Variants in CNTN4 observed in about 807,000 individuals in gnomAD.
The protein encoded by CNTN4 is contactin-4.
In CNTN4, 77 loss-of-function variants were observed where a neutral mutation model predicts 122.5. The ratio of observed to expected loss-of-function variants is 0.63; its 90% confidence interval spans 0.52 to 0.76. CNTN4 has a LOEUF of 0.76. CNTN4 is among the 30% of genes least tolerant of loss of function. CNTN4 has a pLI of 0.00. For synonymous variants in CNTN4, 512 were observed against 447.0 expected (o/e 1.15, Z -1.83); for missense variants, 1,256 against 1,259.1 (o/e 1.00, Z 0.04).
chr3:2,491,451 C>G (rs1480283190), intron 3 of CNTN4, among the ~76,000 whole-genome samples: 2 of 152,120 alleles, frequency 1.3e-5, no homozygotes, highest in Non-Finnish European at 1.5e-5. Flanking sequence ...GCTATTGAAT[C>G]TAAATTTTGG....
At chr3:2,470,111 G>T (rs1455632831) in intron 3 of CNTN4, among the ~76,000 whole-genome samples, 1 of 151,948 alleles carries the variant, frequency 6.6e-6, no homozygotes, top group East Asian at 1.9e-4. Context: ...TCTCGCCCAG[G>T]CTGGAGTGCA....
chr3:2,169,575 T>TCTTGTA (rs2036362830), intron 2 of CNTN4, among the ~76,000 whole-genome samples: 2 of 151,676 alleles, frequency 1.3e-5, no homozygotes, highest in African/African-American at 2.4e-5. Context: ...CCGGCTGATT[T>TCTTGTA]TTTTGTAGAG....
At chr3:2,520,650 GAT>G (rs1299003075) in intron 3 of CNTN4, among the ~76,000 whole-genome samples, 1 of 151,950 alleles carries the variant, frequency 6.6e-6, no homozygotes, top group African/African-American at 2.4e-5. Flanking sequence ...AAATGAGAGG[GAT>G]AGAAAAATGG....
At chr3:2,233,045 C>T (rs1289920898) in intron 2 of CNTN4, among the ~76,000 whole-genome samples, 2 of 152,072 alleles carry the variant, frequency 1.3e-5, no homozygotes, top group African/African-American at 4.8e-5. Flanking sequence ...GTTAATGGGG[C>T]GCCTGTTAAG....
chr3:3,047,116 G>C (rs1473026772), intron 23 of CNTN4, among the ~76,000 whole-genome samples: 1 of 151,452 alleles, frequency 6.6e-6, no homozygotes, highest in East Asian at 1.9e-4. Flanking sequence ...GGAGCACCCA[G>C]ATTCATAAAG....
intron 2 of CNTN4, among the ~76,000 whole-genome samples, chr3:2,199,795 T>C (rs2038012919): frequency 6.6e-6 from 1 of 152,060 alleles, no homozygotes; most frequent in Non-Finnish European, 1.5e-5. Flanking sequence ...AATGTGTAAG[T>C]TGTTACTTTA....
At chr3:2,301,724 A>G (rs1276995053) in intron 2 of CNTN4, among the ~76,000 whole-genome samples, 1 of 152,246 alleles carries the variant, frequency 6.6e-6, no homozygotes, top group African/African-American at 2.4e-5. Context: ...TAACTGACTC[A>G]GATGCCCACT....
intron 14 of CNTN4, among the ~76,000 whole-genome samples, chr3:3,012,325 A>C (rs1176631653): frequency 2.6e-5 from 4 of 152,116 alleles, no homozygotes; most frequent in Admixed American, 2.6e-4. Flanking sequence ...GGATTTTGGC[A>C]TTTACTCTGA....
At chr3:2,705,282 G>A (rs899871633) in intron 4 of CNTN4, among the ~76,000 whole-genome samples, 2 of 147,564 alleles carry the variant, frequency 1.4e-5, no homozygotes, top group African/African-American at 5.0e-5. Flanking sequence ...GCAGGAGAAT[G>A]GCGGGAACCT....
chr3:2,601,651 CT>C (rs2081052693), intron 4 of CNTN4, among the ~76,000 whole-genome samples: 1 of 152,160 alleles, frequency 6.6e-6, no homozygotes, highest in African/African-American at 2.4e-5. Flanking sequence ...ATGCCTCCCG[CT>C]TTGTTCTTTT....
At chr3:2,623,231 A>ATTT (rs11315990) in intron 4 of CNTN4, among the ~76,000 whole-genome samples, 2 of 146,594 alleles carry the variant, frequency 1.4e-5, no homozygotes, top group Admixed American at 6.8e-5. Context: ...ATGGAGACTA[A>ATTT]TTTTTTTTTT....
At chr3:2,873,396 C>G (rs914025120) in intron 8 of CNTN4, among the ~76,000 whole-genome samples, 1 of 152,204 alleles carries the variant, frequency 6.6e-6, no homozygotes, top group Non-Finnish European at 1.5e-5. Flanking sequence ...CTGCAGAAAA[C>G]TAGGTGCATT....
chr3:2,180,247 A>G (rs2036954381), intron 2 of CNTN4, among the ~76,000 whole-genome samples: 1 of 152,048 alleles, frequency 6.6e-6, no homozygotes, highest in African/African-American at 2.4e-5. Flanking sequence ...GATGGAACTA[A>G]CATTAAGGGA....
intron 13 of CNTN4, among the ~76,000 whole-genome samples, chr3:2,945,236 A>G (rs1184524055): frequency 2.6e-5 from 4 of 152,296 alleles, no homozygotes; most frequent in South Asian, 4.1e-4. Context: ...GGAACTACTC[A>G]TTATTTTTAA....
intron 3 of CNTN4, among the ~76,000 whole-genome samples, chr3:2,546,910 AAGC>A (rs1209187157): frequency 6.6e-6 from 1 of 152,106 alleles, no homozygotes; most frequent in East Asian, 1.9e-4. Context: ...ACAAAAGTAA[AAGC>A]AGGAAAATGT....
At chr3:3,021,823 T>C (rs2125600012) in intron 14 of CNTN4, among the ~76,000 whole-genome samples, 1 of 152,318 alleles carries the variant, frequency 6.6e-6, no homozygotes, top group African/African-American at 2.4e-5. Context: ...CTCACGCCTG[T>C]AATCCCAGCA....
chr3:2,100,119 C>T lies in CNTN4; in HGVS notation c.-226-439C>T, dbSNP rs533229891. Among the ~76,000 whole-genome samples, 13 of 152,116 alleles carry T rather than the reference C, an allele frequency of 8.5e-5. No individual in the cohort carries two copies. The South Asian group carries it at 1.9e-3, about 22-fold the overall frequency. ...TAGGGCGAGTCAGTGTGACTGAGCA[C>T]CCTGGGTGTGTGGTCTGCGTGGAGG... On this transcript the variant is annotated intron_variant, in intron 1 of 24. Transcript: ENST00000418658.
chr3:2,642,307 C>T (rs1417529364), intron 4 of CNTN4, among the ~76,000 whole-genome samples: 2 of 152,174 alleles, frequency 1.3e-5, no homozygotes, highest in African/African-American at 4.8e-5. Context: ...TTTATTCCGG[C>T]TGCACTGGCA....
At chr3:2,361,694 A>T (rs961678797) in intron 3 of CNTN4, among the ~76,000 whole-genome samples, 30 of 152,232 alleles carry the variant, frequency 2.0e-4, no homozygotes, top group Non-Finnish European at 8.8e-5. Context: ...ATAAAATAAA[A>T]ATATTTTCTA....
Sources: allele counts gnomAD v4.1 joint callset (sites outside exome capture counted in the v4.1 genomes callset), GRCh38; gene constraint gnomAD v4.1.1; transcripts MANE v1.5; gene names NCBI Gene and HGNC (gene_info 2026-07-23, HGNC 2026-07-21).